Variants in LY86 observed in about 807,000 individuals in gnomAD.
LY86 encodes lymphocyte antigen 86, also known as MD-1, RP105-associated.
LY86 carries 20 observed loss-of-function variants against 17.3 expected under a neutral mutation model. That is an observed-to-expected ratio of 1.15 (90% CI 0.81 to 1.68). The LOEUF (loss-of-function observed/expected upper bound fraction) is 1.68. Ranked by LOEUF, LY86 falls within the 40% of genes most tolerant of loss-of-function variation. LY86 has a pLI of 0.00. For synonymous variants in LY86, 74 were observed against 70.6 expected, an observed-to-expected ratio of 1.05 and a Z score of -0.24; for missense variants, 200 against 191.9, an observed-to-expected ratio of 1.04 and a Z score of -0.25.
At chr6:6,618,669 T>C (rs1761608932) in intron 1 of LY86, among the ~76,000 whole-genome samples, 1 of 152,232 alleles carries the variant, frequency 6.6e-6, no homozygotes, top group African/African-American at 2.4e-5. Flanking sequence ...AACACACCGT[T>C]TACATATCTG....
intron 1 of LY86, among the ~76,000 whole-genome samples, chr6:6,612,509 C>T (rs1269638492): frequency 2.2e-5 from 3 of 137,502 alleles, no homozygotes; most frequent in African/African-American, 5.7e-5. Context: ...ACACTTACTG[C>T]AAAAAGCAAA....
chr6:6,624,285 T>C (rs1029785500), intron 1 of LY86, among the ~76,000 whole-genome samples: 1 of 148,970 alleles, frequency 6.7e-6, no homozygotes. Context: ...AGAAGTTGTA[T>C]GCAGAAAATA....
intron 1 of LY86, among the ~76,000 whole-genome samples, chr6:6,610,424 A>G (rs961327435): frequency 6.6e-6 from 1 of 152,166 alleles, no homozygotes. Context: ...CTGAGCCCCC[A>G]GAGTCTGGGC....
Position 6,642,959 on chromosome 6 carries a change from C to G in LY86, c.353-6666C>G, listed in dbSNP as rs570960495. On this transcript the variant is annotated intron_variant, in intron 3 of 4. Transcript: ENST00000230568. ...TGGCCCCTCACCTTGGTCCTCCATT[C>G]ACCAGATGTCATCACAGACTCTGAG... 2.0e-5 allele frequency among the ~76,000 whole-genome samples: 3 copies of G among 152,336 alleles called. No homozygotes were observed. In the South Asian group the frequency reaches 6.2e-4, roughly 32 times the overall value.
Position 6,650,339 on chromosome 6 carries a change from G to GTTT in LY86, c.405+662_405+663insTTT, listed in dbSNP as rs138255515. Among the ~76,000 whole-genome samples the GTTT allele has an allele frequency of 1.6e-4, 24 of 148,096 alleles. 1 individual carries two copies. The highest frequency in any genetic ancestry group is 3.4e-3 in the Middle Eastern group (1 of 292). On this transcript the variant is annotated intron_variant, in intron 4 of 4. Coordinates refer to ENST00000230568, the MANE Select transcript of LY86 (RefSeq NM_004271.4). ...TTCAATATGCTACCCCTCAGATAAT[G>GTTT]GTTTTTTTTTTTTTTGAGAGAGTCT...
chr6:6,654,631 T>C lies in LY86; in HGVS notation c.*4T>C. On this transcript the variant is annotated 3_prime_UTR_variant, in exon 5 of 5. Coordinates refer to ENST00000230568, the MANE Select transcript of LY86 (RefSeq NM_004271.4). ...TGCTACTATCATGTGCTCCTGACTG[T>C]GGCCTGTAGCAAAAATCACAGCCAG... is the stretch of plus-strand genomic sequence containing the variant. 1.2e-6 allele frequency: 2 copies of C among 1,613,692 alleles called. No individual in the cohort carries two copies. The highest frequency in any genetic ancestry group is 1.7e-6 in the Non-Finnish European group (2 of 1,179,610).
At chr6:6,638,336 T>G (rs1761989952) in intron 3 of LY86, among the ~76,000 whole-genome samples, 1 of 152,276 alleles carries the variant, frequency 6.6e-6, no homozygotes, top group Non-Finnish European at 1.5e-5. Flanking sequence ...ATTTCACTTA[T>G]TTCCTCTTCC....
At chr6:6,625,130 C>G (rs1761763372) in intron 2 of LY86, 118 bp downstream of exon 2, 1 of 538,084 alleles carries the variant, frequency 1.9e-6, no homozygotes, top group Admixed American at 4.0e-5. Context: ...CCTCACCACT[C>G]TCTGGAATTA....
chr6:6,612,485 T>G (rs988656150), intron 1 of LY86, among the ~76,000 whole-genome samples: 1 of 151,692 alleles, frequency 6.6e-6, no homozygotes, highest in African/African-American at 2.4e-5. Context: ...AGACCCAAAG[T>G]GTAAACAACA....
intron 3 of LY86, among the ~76,000 whole-genome samples, chr6:6,638,791 A>C: frequency 7.0e-6 from 1 of 142,112 alleles, no homozygotes; most frequent in East Asian, 2.2e-4. Context: ...TATATCTCCT[A>C]ATGCTATCCC....
At chr6:6,646,627 G>C (rs962512507) in intron 3 of LY86, among the ~76,000 whole-genome samples, 6 of 152,060 alleles carry the variant, frequency 3.9e-5, no homozygotes, top group African/African-American at 1.4e-4. Context: ...ACCAATTCTA[G>C]CACCTTGACT....
At position 6,594,953 on chromosome 6, in the gene LY86, T is replaced by C. The variant is rs142019480; in HGVS notation, c.136+6083T>C. On this transcript the variant is annotated intron_variant, in intron 1 of 4. Transcript: ENST00000230568. ...TGCTCAGTGACATAGAGCTATGTCATAGAACTCTAGTAGGGAGTAAGTCAT... is the reference window on the plus strand; with the variant it reads ...TGCTCAGTGACATAGAGCTATGTCACAGAACTCTAGTAGGGAGTAAGTCAT... Among the ~76,000 whole-genome samples the C allele has an allele frequency of 8.7e-3, 1,329 of 152,286 alleles. 11 individuals are homozygous for C. The highest frequency in any genetic ancestry group is 0.048 in the Middle Eastern group (14 of 294).
chr6:6,650,485 C>T (rs1762171719), intron 4 of LY86, among the ~76,000 whole-genome samples: 1 of 152,058 alleles, frequency 6.6e-6, no homozygotes, highest in Non-Finnish European at 1.5e-5. Flanking sequence ...CAGGCACATG[C>T]CACCACGCCC....
At chr6:6,612,360 G>T (rs532003357) in intron 1 of LY86, among the ~76,000 whole-genome samples, 6 of 152,202 alleles carry the variant, frequency 3.9e-5, no homozygotes, top group Admixed American at 3.9e-4. Context: ...TTCTTAAGGT[G>T]ATACATTTGG....
intron 1 of LY86, among the ~76,000 whole-genome samples, chr6:6,608,846 G>T (rs960881957): frequency 6.6e-6 from 1 of 152,226 alleles, no homozygotes; most frequent in Non-Finnish European, 1.5e-5. Context: ...GGCTGTGATT[G>T]TTCAACGGGT....
chr6:6,600,605 A>G (rs1350468926), intron 1 of LY86, among the ~76,000 whole-genome samples: 2 of 137,142 alleles, frequency 1.5e-5, no homozygotes, highest in African/African-American at 2.9e-5. Context: ...AAAAAAAAAA[A>G]AAAAAAAAAA....
At chr6:6,604,236 T>G (rs1761019328) in intron 1 of LY86, among the ~76,000 whole-genome samples, 1 of 152,018 alleles carries the variant, frequency 6.6e-6, no homozygotes, top group South Asian at 2.1e-4. Context: ...TAAACCACCA[T>G]GAGGAAGAGT....
chr6:6,596,205 TC>T (rs1760708276), intron 1 of LY86, among the ~76,000 whole-genome samples: 1 of 152,108 alleles, frequency 6.6e-6, no homozygotes, highest in Non-Finnish European at 1.5e-5. Context: ...ATGTAAAACA[TC>T]TCCGTACAGA....
chr6:6,635,899 G>A (rs1561790805), intron 3 of LY86, among the ~76,000 whole-genome samples: 1 of 152,220 alleles, frequency 6.6e-6, no homozygotes, highest in Non-Finnish European at 1.5e-5. Context: ...CAGGCAGCAT[G>A]TTACCAAAAC....
Sources: allele counts gnomAD v4.1 joint callset (sites outside exome capture counted in the v4.1 genomes callset), GRCh38; gene constraint gnomAD v4.1.1; transcripts MANE v1.5; gene names NCBI Gene and HGNC (gene_info 2026-07-23, HGNC 2026-07-21).